The following PTPRD variants were observed in gnomAD, a reference collection of about 807,000 sequenced individuals.
PTPRD encodes receptor-type tyrosine-protein phosphatase delta.
PTPRD carries 34 observed loss-of-function variants against 214.5 expected under a neutral mutation model. The ratio of observed to expected loss-of-function variants is 0.16; its 90% CI spans 0.12 to 0.21. The LOEUF is 0.21. Among genes scored for constraint, PTPRD ranks in the 10% least tolerant of loss-of-function variants. PTPRD has a pLI of 1.00. For synonymous variants in PTPRD, 1,128 were observed against 845.7 expected, an observed-to-expected ratio of 1.33 and a Z score of -5.79; for missense variants, 2,545 against 2,398.7, an observed-to-expected ratio of 1.06 and a Z score of -1.27.
chr9:9,968,613 T>C (rs756010462), intron 4 of PTPRD, among the ~76,000 whole-genome samples: 4 of 152,116 alleles, frequency 2.6e-5, no homozygotes, highest in African/African-American at 9.7e-5. Flanking sequence ...GTTTTGAGAA[T>C]GGAAGGGAAG....
At chr9:8,318,011 A>G (rs2130482813) in intron 45 of PTPRD, 69 bp from the exon 46 acceptor site, 3 of 1,323,996 alleles carry the variant, frequency 2.3e-6, no homozygotes, top group African/African-American at 2.2e-5. Flanking sequence ...GAAAAATAAA[A>G]ATCAATATTG....
At chr9:9,445,188 T>A (rs950523862) in intron 8 of PTPRD, among the ~76,000 whole-genome samples, 1 of 152,182 alleles carries the variant, frequency 6.6e-6, no homozygotes, top group Non-Finnish European at 1.5e-5. Flanking sequence ...TAGGTCAAAC[T>A]GTAGCCCATT....
chr9:8,968,528 T>C (rs2099214727), intron 11 of PTPRD, among the ~76,000 whole-genome samples: 1 of 152,026 alleles, frequency 6.6e-6, no homozygotes, highest in Non-Finnish European at 1.5e-5. Flanking sequence ...TTTTTTCATG[T>C]GTCAGGCAGG....
At chr9:9,859,628 T>C (rs1047218263) in intron 5 of PTPRD, among the ~76,000 whole-genome samples, 1 of 152,182 alleles carries the variant, frequency 6.6e-6, no homozygotes, top group Admixed American at 6.5e-5. Context: ...GAAAGTAATA[T>C]TTGTCAATAG....
chr9:10,432,383 A>G (rs527665845), intron 2 of PTPRD, among the ~76,000 whole-genome samples: 11 of 151,738 alleles, frequency 7.2e-5, no homozygotes, highest in African/African-American at 2.7e-4. Context: ...ACATGTATAC[A>G]TATGTAACTA....
intron 7 of PTPRD, among the ~76,000 whole-genome samples, chr9:9,649,107 G>C (rs766137253): frequency 1.6e-4 from 24 of 152,110 alleles, no homozygotes; most frequent in Non-Finnish European, 3.2e-4. Context: ...AAGACGCAGT[G>C]TTATTCAGGG....
At chr9:9,584,454 C>T (rs1240384801) in intron 7 of PTPRD, among the ~76,000 whole-genome samples, 1 of 151,746 alleles carries the variant, frequency 6.6e-6, no homozygotes, top group Non-Finnish European at 1.5e-5. Flanking sequence ...AGTTACCTAA[C>T]CATTATATTC....
chr9:8,374,000 T>A (rs920846071), intron 39 of PTPRD, among the ~76,000 whole-genome samples: 1 of 151,714 alleles, frequency 6.6e-6, no homozygotes, highest in African/African-American at 2.4e-5. Context: ...ACAGATTCTG[T>A]ATTTTGAAAT....
chr9:8,460,115 C>G (rs2096351533), intron 33 of PTPRD, among the ~76,000 whole-genome samples: 1 of 152,114 alleles, frequency 6.6e-6, no homozygotes, highest in African/African-American at 2.4e-5. Flanking sequence ...TGTGAATGCA[C>G]TAATGCCTCA....
At chr9:10,082,396 C>G (rs139544675) in intron 3 of PTPRD, among the ~76,000 whole-genome samples, 281 of 152,188 alleles carry the variant, frequency 1.8e-3, no homozygotes, top group African/African-American at 6.4e-3. Flanking sequence ...ATAAGAGTTG[C>G]TGCTTTGACA....
chr9:8,568,923 A>C (rs2154226619), intron 14 of PTPRD, among the ~76,000 whole-genome samples: 1 of 152,150 alleles, frequency 6.6e-6, no homozygotes, highest in East Asian at 1.9e-4. Flanking sequence ...CACAAATCTA[A>C]TGCTTCATAT....
chr9:9,018,810 G>A (rs1338450723), intron 10 of PTPRD, 75 bp from the exon 11 acceptor site: 1 of 152,168 alleles, frequency 6.6e-6, no homozygotes, highest in East Asian at 1.9e-4. Context: ...TTTAGGTGAT[G>A]CATGTTTATA....
At chr9:10,559,980 T>A (rs1212013668) in intron 2 of PTPRD, among the ~76,000 whole-genome samples, 1 of 152,100 alleles carries the variant, frequency 6.6e-6, no homozygotes, top group Admixed American at 6.6e-5. Flanking sequence ...ACTAGTTCAA[T>A]CATTGTGGAA....
intron 8 of PTPRD, among the ~76,000 whole-genome samples, chr9:9,461,734 G>A (rs1405994558): frequency 1.3e-5 from 2 of 152,036 alleles, no homozygotes; most frequent in African/African-American, 4.8e-5. Context: ...GAATTTATGG[G>A]CCAGATTGAG....
intron 11 of PTPRD, among the ~76,000 whole-genome samples, chr9:8,764,600 A>C (rs1468129756): frequency 1.3e-5 from 2 of 152,034 alleles, no homozygotes; most frequent in Non-Finnish European, 2.9e-5. Flanking sequence ...GTTCAAGACT[A>C]GCCTGGCCAA....
chr9:9,569,491 C>T (rs1180560123), intron 8 of PTPRD, among the ~76,000 whole-genome samples: 1 of 151,646 alleles, frequency 6.6e-6, no homozygotes, highest in East Asian at 1.9e-4. Context: ...CATTTTATTG[C>T]TACCAGAATT....
At chr9:8,742,920 G>A (rs1048172469) in intron 11 of PTPRD, among the ~76,000 whole-genome samples, 1 of 152,006 alleles carries the variant, frequency 6.6e-6, no homozygotes, top group Non-Finnish European at 1.5e-5. Flanking sequence ...TGTTGTCACA[G>A]CGCAAGAAGG....
At chr9:10,213,600 CT>C (rs1355636461) in intron 3 of PTPRD, among the ~76,000 whole-genome samples, 1 of 152,120 alleles carries the variant, frequency 6.6e-6, no homozygotes, top group Non-Finnish European at 1.5e-5. Context: ...AGGTTATTCA[CT>C]AAACCAGTTT....
intron 11 of PTPRD, among the ~76,000 whole-genome samples, chr9:8,757,390 T>C (rs2094081073): frequency 6.6e-6 from 1 of 152,066 alleles, no homozygotes; most frequent in African/African-American, 2.4e-5. Flanking sequence ...CAGCATAAGA[T>C]TTAGATGTTG....
Sources: allele counts gnomAD v4.1 joint callset (sites outside exome capture counted in the v4.1 genomes callset), GRCh38; gene constraint gnomAD v4.1.1; transcripts MANE v1.5; gene names NCBI Gene and HGNC (gene_info 2026-07-23, HGNC 2026-07-21).